The following CCDC92 variants were observed in gnomAD, a reference collection of about 807,000 sequenced individuals.
The protein encoded by CCDC92 is coiled-coil domain-containing protein 92.
CCDC92 carries 12 observed loss-of-function variants against 24.9 expected under a neutral mutation model. The ratio of observed to expected loss-of-function variants is 0.48; its 90% CI spans 0.31 to 0.78. CCDC92 has a LOEUF of 0.78. Ranked by LOEUF, CCDC92 falls within the 30% of genes least tolerant of loss-of-function variation. The probability of loss-of-function intolerance (pLI) is 0.05; values close to 1 mark genes in which losing one functional copy is unlikely to be tolerated. For synonymous variants in CCDC92, 193 were observed against 196.3 expected (o/e 0.98, Z 0.14); for missense variants, 399 against 439.4 (o/e 0.91, Z 0.82).
At chr12:123,963,849 T>G (rs990127413) in intron 1 of CCDC92, among the ~76,000 whole-genome samples, 4 of 152,234 alleles carry the variant, frequency 2.6e-5, no homozygotes, top group Admixed American at 6.5e-5. Context: ...GTTTAAAGGC[T>G]TTAATATTTC....
intron 2 of CCDC92, chr12:123,943,729 C>G (rs1955762295): frequency 1.7e-6 from 1 of 574,370 alleles, no homozygotes; most frequent in Non-Finnish European, 3.1e-6. Flanking sequence ...GCCCTAGCAC[C>G]TAGCACGATG....
In CCDC92 at chr12:123,937,473, G is replaced by C. The variant is rs764341645; in HGVS notation, c.581C>G (p.Pro194Arg). The C allele has an allele frequency of 1.5e-5, 24 of 1,613,172 alleles. No homozygotes were observed. The highest frequency in any genetic ancestry group is 9.9e-5 in the South Asian group (9 of 91,068). ...PVLASYKPAPPKDKLPETPRR... is the reference protein window; with the variant it reads ...PVLASYKPAPRKDKLPETPRR... ...AGGCGTTTCGGGTAGCTTGTCTTTG[G>C]GGGGCGCTGGCTTGTAGCTGGCCAG... Residue 194 changes from proline (P) to arginine (R), a missense_variant, in exon 5 of 5, where the codon CCC becomes CGC. Coordinates refer to ENST00000238156, the MANE Select transcript of CCDC92 (RefSeq NM_025140.3). This position sits in a 1 kb window ranked among gnomAD's most constrained non-coding sequence, Gnocchi z 8.4.
chr12:123,936,667 C>G lies in CCDC92; in HGVS notation c.*391G>C. The stretch of plus-strand genomic sequence containing the variant: ...AGCAGGGGCTGCTCGGCCAGGCTGC[C>G]CTGGAGCTTGAGGATAAGGTCAAGG... On this transcript the variant is annotated 3_prime_UTR_variant, in exon 5 of 5. Coordinates refer to ENST00000238156, the MANE Select transcript of CCDC92 (RefSeq NM_025140.3). 1 of 229,282 alleles carries G rather than the reference C, an allele frequency of 4.4e-6. No homozygotes were observed. The highest frequency in any genetic ancestry group is 1.2e-4 in the East Asian group (1 of 8,608). 14.2% of individuals were successfully genotyped at this position (229,282 alleles called of 1,614,324 possible).
intron 1 of CCDC92, among the ~76,000 whole-genome samples, chr12:123,965,326 G>A (rs987287318): frequency 5.9e-5 from 9 of 152,178 alleles, no homozygotes; most frequent in South Asian, 2.1e-4. Context: ...TGATCTTTGG[G>A]ATGCAATCTC....
chr12:123,955,893 A>C (rs565480892), intron 1 of CCDC92, among the ~76,000 whole-genome samples: 1 of 152,346 alleles, frequency 6.6e-6, no homozygotes, highest in East Asian at 1.9e-4. Context: ...GCCACTTATA[A>C]AGAGACGTTA....
At chr12:123,964,649 C>T (rs949646050) in intron 1 of CCDC92, among the ~76,000 whole-genome samples, 1 of 152,160 alleles carries the variant, frequency 6.6e-6, no homozygotes, top group African/African-American at 2.4e-5. Flanking sequence ...TGACACTTGC[C>T]TTACAGAACA....
intron 4 of CCDC92, among the ~76,000 whole-genome samples, chr12:123,938,367 A>C (rs1955588227): frequency 6.6e-6 from 1 of 151,162 alleles, no homozygotes; most frequent in African/African-American, 2.4e-5. Flanking sequence ...ACACACACAG[A>C]CTCTTTCCCA....
intron 1 of CCDC92, among the ~76,000 whole-genome samples, chr12:123,954,934 A>G (rs1956116395): frequency 6.6e-6 from 1 of 152,192 alleles, no homozygotes; most frequent in African/African-American, 2.4e-5. Flanking sequence ...TCAACTCTGC[A>G]CTTTCTATTC....
At chr12:123,971,242 G>A (rs12314727) in intron 1 of CCDC92, among the ~76,000 whole-genome samples, 4,146 of 152,158 alleles carry the variant, frequency 0.027, 184 homozygotes, top group African/African-American at 0.093. Flanking sequence ...ACGCATACCC[G>A]TATATATAAT....
intron 1 of CCDC92, among the ~76,000 whole-genome samples, chr12:123,947,624 CTG>C (rs1287643345): frequency 6.6e-6 from 1 of 152,042 alleles, no homozygotes; most frequent in Non-Finnish European, 1.5e-5. Flanking sequence ...TGTGGATACT[CTG>C]TATCTAACTA....
intron 1 of CCDC92, among the ~76,000 whole-genome samples, chr12:123,954,134 T>G (rs1440646366): frequency 6.6e-6 from 1 of 152,162 alleles, no homozygotes; most frequent in East Asian, 1.9e-4. Context: ...ACTAACAAAG[T>G]AGTATCATAT....
chr12:123,950,886 T>C (rs1956008531), intron 1 of CCDC92, among the ~76,000 whole-genome samples: 1 of 152,188 alleles, frequency 6.6e-6, no homozygotes, highest in Non-Finnish European at 1.5e-5. Flanking sequence ...ACCTTGCATC[T>C]CTCTGACTTT....
intron 1 of CCDC92, among the ~76,000 whole-genome samples, chr12:123,961,833 G>A (rs1440630619): frequency 6.6e-6 from 1 of 152,204 alleles, no homozygotes; most frequent in Admixed American, 6.5e-5. Flanking sequence ...TGGCAAATAA[G>A]CTTGGAGGGT....
chr12:123,941,675 C>T (rs929403166), intron 4 of CCDC92, among the ~76,000 whole-genome samples: 3 of 152,208 alleles, frequency 2.0e-5, no homozygotes, highest in African/African-American at 4.8e-5. Flanking sequence ...CGCCTTGCCC[C>T]GGCACGCCTG....
chr12:123,971,771 G>A (rs1282878397), intron 1 of CCDC92: 4 of 152,306 alleles, frequency 2.6e-5, no homozygotes, highest in African/African-American at 9.6e-5. Flanking sequence ...CAGTAGCCAA[G>A]CCTGGAGCTC....
At chr12:123,938,251 G>C (rs1046263521) in intron 4 of CCDC92, among the ~76,000 whole-genome samples, 3 of 152,180 alleles carry the variant, frequency 2.0e-5, no homozygotes, top group Admixed American at 2.0e-4. Context: ...CATGTCTATT[G>C]AATTAAAATT....
At chr12:123,943,146 C>T (rs899079252) in intron 3 of CCDC92, among the ~76,000 whole-genome samples, 8 of 152,260 alleles carry the variant, frequency 5.3e-5, no homozygotes, top group African/African-American at 1.9e-4. Context: ...TCTCTTAAGT[C>T]CTCAGTATGC....
intron 1 of CCDC92, among the ~76,000 whole-genome samples, chr12:123,967,196 A>G (rs530904992): frequency 1.3e-5 from 2 of 152,062 alleles, no homozygotes; most frequent in East Asian, 3.9e-4. Context: ...TCAATGAGCA[A>G]GTACCTTAAT....
intron 1 of CCDC92, among the ~76,000 whole-genome samples, chr12:123,953,982 A>T (rs1322750777): frequency 6.6e-6 from 1 of 152,094 alleles, no homozygotes; most frequent in Non-Finnish European, 1.5e-5. Flanking sequence ...CAAACAAATA[A>T]ACATTTGTCT....
Sources: allele counts gnomAD v4.1 joint callset (sites outside exome capture counted in the v4.1 genomes callset), GRCh38; gene constraint gnomAD v4.1.1; non-coding constraint Gnocchi (gnomAD v3.1); transcripts MANE v1.5; gene names NCBI Gene and HGNC (gene_info 2026-07-23, HGNC 2026-07-21).